The following CCDC68 variants were observed in gnomAD, a reference collection of about 807,000 sequenced individuals.
CCDC68 encodes the protein coiled-coil domain-containing protein 68.
Under a neutral mutation model 47.1 loss-of-function variants are expected in CCDC68, and 45 were observed. The ratio of observed to expected loss-of-function variants is 0.96; its 90% CI spans 0.75 to 1.23. CCDC68 has a LOEUF of 1.23. Ranked by LOEUF, CCDC68 falls within the 50% of genes most tolerant of loss-of-function variation. The probability of loss-of-function intolerance (pLI) is 0.00; values close to 1 mark genes in which losing one functional copy is unlikely to be tolerated. For missense variants in CCDC68, 353 were observed against 373.6 expected, an observed-to-expected ratio of 0.94 and a Z score of 0.45; for synonymous variants, 131 against 129.5, an observed-to-expected ratio of 1.01 and a Z score of -0.08.
intron 1 of CCDC68, among the ~76,000 whole-genome samples, chr18:54,947,309 C>T (rs1438479512): frequency 1.3e-5 from 2 of 152,222 alleles, no homozygotes; most frequent in Admixed American, 1.3e-4. Context: ...GCCTTTCAAA[C>T]AGGGCTCCCA....
chr18:54,942,385 A>C (rs1005789641), intron 3 of CCDC68, among the ~76,000 whole-genome samples: 1 of 152,192 alleles, frequency 6.6e-6, no homozygotes, highest in African/African-American at 2.4e-5. Flanking sequence ...CCAGTGGTGA[A>C]TAGTGAGGGA....
intron 10 of CCDC68, among the ~76,000 whole-genome samples, chr18:54,917,375 A>G (rs967022709): frequency 6.6e-6 from 1 of 152,170 alleles, no homozygotes; most frequent in African/African-American, 2.4e-5. Context: ...GTCTGACTAG[A>G]GTGAAATTTA....
At chr18:54,914,617 C>T (rs1301335641) in intron 10 of CCDC68, among the ~76,000 whole-genome samples, 1 of 151,796 alleles carries the variant, frequency 6.6e-6, no homozygotes, top group African/African-American at 2.4e-5. Context: ...CAAAGTGAGA[C>T]TCCATCTCAA....
intron 6 of CCDC68, 127 bp downstream of exon 6, chr18:54,936,706 C>T: frequency 8.5e-7 from 1 of 1,178,394 alleles, no homozygotes; most frequent in South Asian, 1.4e-5. Flanking sequence ...CACACCGCTT[C>T]TTTCCCAAGT....
chr18:54,917,322 G>A (rs1160729897), intron 10 of CCDC68, among the ~76,000 whole-genome samples: 4 of 152,148 alleles, frequency 2.6e-5, no homozygotes, highest in South Asian at 2.1e-4. Context: ...AGCCAGGAAA[G>A]GATCATGCAT....
chr18:54,950,013 C>T (rs1277456681), intron 1 of CCDC68, among the ~76,000 whole-genome samples: 1 of 152,274 alleles, frequency 6.6e-6, no homozygotes, highest in Middle Eastern at 3.4e-3. Flanking sequence ...GGTGTCCTAG[C>T]ATATGAGATC....
At chr18:54,938,391 C>G (rs1323301084) in intron 4 of CCDC68, among the ~76,000 whole-genome samples, 4 of 152,186 alleles carry the variant, frequency 2.6e-5, no homozygotes, top group African/African-American at 9.7e-5. Context: ...ATAATGTCCA[C>G]AAGGCCAGAC....
chr18:54,904,760 C>T (rs965801809), intron 11 of CCDC68, among the ~76,000 whole-genome samples: 1 of 152,138 alleles, frequency 6.6e-6, no homozygotes, highest in African/African-American at 2.4e-5. Flanking sequence ...ATCAACTGTT[C>T]CCCCAGGCTA....
intron 9 of CCDC68, among the ~76,000 whole-genome samples, 199 bp downstream of exon 9, chr18:54,919,072 C>A (rs1216833397): frequency 1.3e-5 from 2 of 152,194 alleles, no homozygotes; most frequent in African/African-American, 4.8e-5. Context: ...AAGCTATCTT[C>A]ATCGAGAGCA....
chr18:54,909,703 G>A (rs4566262), intron 10 of CCDC68, among the ~76,000 whole-genome samples: 150,098 of 152,354 alleles, frequency 0.99, 73,991 homozygotes, highest in East Asian at 1. Flanking sequence ...ACACAGCGCC[G>A]GGTACTGGCA....
intron 1 of CCDC68, among the ~76,000 whole-genome samples, chr18:54,950,568 T>C (rs770233221): frequency 6.6e-6 from 1 of 152,138 alleles, no homozygotes; most frequent in Non-Finnish European, 1.5e-5. Context: ...TTTATTCAAC[T>C]ACATGCTAAT....
chr18:54,915,801 C>T (rs1283076222), intron 10 of CCDC68, among the ~76,000 whole-genome samples: 3 of 152,034 alleles, frequency 2.0e-5, no homozygotes, highest in Admixed American at 6.6e-5. Flanking sequence ...ACATGGTGTG[C>T]GCCTGTAATC....
chr18:54,923,731 A>T (rs1210076062), intron 8 of CCDC68, among the ~76,000 whole-genome samples: 5 of 148,956 alleles, frequency 3.4e-5, no homozygotes, highest in Admixed American at 2.0e-4. Context: ...TTTTTTTTTT[A>T]AACAAAGTCT....
chr18:54,944,661 T>C (rs959664195), intron 2 of CCDC68, among the ~76,000 whole-genome samples: 5 of 152,196 alleles, frequency 3.3e-5, no homozygotes, highest in African/African-American at 7.2e-5. Flanking sequence ...GCATGTATTA[T>C]ATGAACTATA....
At chr18:54,916,669 A>G (rs1420107395) in intron 10 of CCDC68, among the ~76,000 whole-genome samples, 2 of 152,148 alleles carry the variant, frequency 1.3e-5, no homozygotes, top group African/African-American at 4.8e-5. Flanking sequence ...AGGAGCTCCA[A>G]CCTTGGCAGG....
intron 11 of CCDC68, 145 bp downstream of exon 11, chr18:54,907,641 C>G (rs1293145578): frequency 5.2e-6 from 3 of 582,038 alleles, no homozygotes; most frequent in African/African-American, 1.8e-5. Context: ...AAGATTAACA[C>G]AGTTCTGAAT....
chr18:54,907,374 TTAA>T (rs1914071997), intron 11 of CCDC68, among the ~76,000 whole-genome samples: 1 of 152,196 alleles, frequency 6.6e-6, no homozygotes, highest in South Asian at 2.1e-4. Flanking sequence ...GATATTTATA[TTAA>T]TAATTTATTA....
intron 9 of CCDC68, among the ~76,000 whole-genome samples, chr18:54,918,701 A>C (rs1026000939): frequency 6.6e-6 from 1 of 152,192 alleles, no homozygotes; most frequent in Non-Finnish European, 1.5e-5. Flanking sequence ...TGTATTTGGC[A>C]GTAAAGTACC....
intron 8 of CCDC68, among the ~76,000 whole-genome samples, chr18:54,926,440 C>T (rs2044146546): frequency 6.6e-6 from 1 of 152,210 alleles, no homozygotes; most frequent in African/African-American, 2.4e-5. Flanking sequence ...CAGCATTGGG[C>T]TAACCGCCCC....
Sources: allele counts gnomAD v4.1 joint callset (sites outside exome capture counted in the v4.1 genomes callset), GRCh38; gene constraint gnomAD v4.1.1; transcripts MANE v1.5; gene names NCBI Gene and HGNC (gene_info 2026-07-23, HGNC 2026-07-21).